Variants in MYBPC1 observed in about 807,000 individuals in gnomAD.
MYBPC1 encodes the protein myosin binding protein C1.
MYBPC1 carries 52 observed loss-of-function variants against 147.1 expected under a neutral mutation model. The observed-to-expected ratio is 0.35, with a 90% confidence interval of 0.28 to 0.45. The LOEUF (loss-of-function observed/expected upper bound fraction) is 0.45, where lower values mean the gene tolerates loss of function less well. Among genes scored for constraint, MYBPC1 ranks in the 20% least tolerant of loss-of-function variants. The pLI is 1.00. For missense variants in MYBPC1, 1,228 were observed against 1,440.3 expected, an observed-to-expected ratio of 0.85 and a Z score of 2.39; for synonymous variants, 477 against 475.9, an observed-to-expected ratio of 1.00 and a Z score of -0.03.
chr12:101,664,341 A>G (rs912899388), intron 22 of MYBPC1: 1 of 152,228 alleles, frequency 6.6e-6, no homozygotes, highest in East Asian at 1.9e-4. Flanking sequence ...AAGGGATGAC[A>G]TTTGAAAATG....
chr12:101,659,970 C>A, intron 19 of MYBPC1, 139 bp downstream of exon 19: 2 of 1,156,938 alleles, frequency 1.7e-6, no homozygotes, highest in Non-Finnish European at 2.5e-6. Context: ...GCCTAGAGGA[C>A]TTATCATTGG....
At chr12:101,664,556 C>G (rs11110945) in intron 22 of MYBPC1, 30,766 of 152,166 alleles carry the variant, frequency 0.2, 3,729 homozygotes, top group Middle Eastern at 0.34. Context: ...TGCACCTCCC[C>G]TGGAGGAAAC....
intron 1 of MYBPC1, among the ~76,000 whole-genome samples, chr12:101,596,484 T>C (rs755759139): frequency 1.2e-4 from 18 of 152,274 alleles, no homozygotes; most frequent in Non-Finnish European, 2.5e-4. Context: ...CAATACATTC[T>C]ACCATGTTTC....
rs372652224 is a variant in MYBPC1 at position 101,667,790 on chromosome 12, A to G, written c.2415A>G (p.Thr805=). ...DLIDKTKFTI[T]GLPTDAKIFV... ...TTGACAAGACGAAGTTCACCATCACAGGTCTGCCAACAGATGCAAAGATCT... is the reference window on the plus strand; with the variant it reads ...TTGACAAGACGAAGTTCACCATCACGGGTCTGCCAACAGATGCAAAGATCT... Residue 805 remains threonine, a synonymous_variant, in exon 23 of 32, where the codon ACA becomes ACG. Transcript: ENST00000361466. 6.2e-7 allele frequency: 1 copy of G among 1,614,198 alleles called. No homozygotes were observed. The highest frequency in any genetic ancestry group is 1.3e-5 in the African/African-American group (1 of 75,052).
chr12:101,678,948 C>G (rs2136843261), intron 28 of MYBPC1, among the ~76,000 whole-genome samples: 1 of 152,140 alleles, frequency 6.6e-6, no homozygotes, highest in African/African-American at 2.4e-5. Context: ...ATCACTTGGT[C>G]AGGAGTTCGA....
rs1213274537 is a variant in MYBPC1 at position 101,595,042 on chromosome 12, T to C, written c.-29T>C. On this transcript the variant is annotated 5_prime_UTR_variant, in exon 1 of 32. Transcript: ENST00000361466. Reference sequence around the variant, plus strand: ...CAACTAGTCGTGGAGGGAAGGAGACTCTTTAAAGAATAACATCTTATTGTG... The same window carrying C: ...CAACTAGTCGTGGAGGGAAGGAGACCCTTTAAAGAATAACATCTTATTGTG... 1.2e-6 allele frequency: 2 copies of C among 1,610,974 alleles called. No individual in the cohort carries two copies. Among genetic ancestry groups the C allele is most frequent in the African/African-American group, 1.3e-5 (1 of 74,830 alleles).
chr12:101,685,536 AGGT>A, intron 31 of MYBPC1, 43 bp from the exon 32 acceptor site: 2 of 1,316,832 alleles, frequency 1.5e-6, no homozygotes, highest in Non-Finnish European at 2.1e-6. Flanking sequence ...GCGATTTTTC[AGGT>A]AGATGGTTTT....
At position 101,679,379 on chromosome 12, in the gene MYBPC1, A is replaced by G. The variant is rs568197024; in HGVS notation, c.3247-964A>G. 3.3e-5 allele frequency among the ~76,000 whole-genome samples: 5 copies of G among 152,276 alleles called. No individual in the cohort carries two copies. The East Asian group carries it at 9.7e-4, about 29-fold the overall frequency. The stretch of plus-strand genomic sequence containing the variant: ...TCTACCCCTTGCCAAAGCTTTAGAA[A>G]GGTGTGAGGCTCAGTGATCGCTCCC... On this transcript the variant is annotated intron_variant, in intron 28 of 31. Transcript: ENST00000361466.
intron 9 of MYBPC1, among the ~76,000 whole-genome samples, chr12:101,636,412 CA>C (rs1358833060): frequency 1.3e-5 from 2 of 152,098 alleles, no homozygotes; most frequent in Middle Eastern, 3.2e-3. Context: ...AACACAAATC[CA>C]AGCAGTTTTA....
intron 17 of MYBPC1, 145 bp from the exon 18 acceptor site, chr12:101,652,970 G>T: frequency 1.6e-6 from 2 of 1,224,858 alleles, no homozygotes; most frequent in South Asian, 2.7e-5. Flanking sequence ...TTTGCAAGGT[G>T]CCAGGCACCA....
intron 1 of MYBPC1, among the ~76,000 whole-genome samples, chr12:101,602,276 A>C (rs1404505044): frequency 6.6e-6 from 1 of 152,150 alleles, no homozygotes; most frequent in Admixed American, 6.5e-5. Flanking sequence ...GTGCAGTGGC[A>C]TGATCTCGGC....
At chr12:101,677,924 C>T (rs112591177) in intron 27 of MYBPC1, among the ~76,000 whole-genome samples, 178 bp from the exon 28 acceptor site, 222 of 152,346 alleles carry the variant, frequency 1.5e-3, no homozygotes, top group African/African-American at 4.6e-3. Flanking sequence ...TTCTATCCCA[C>T]GTGTGATTGG....
intron 10 of MYBPC1, 75 bp downstream of exon 10, chr12:101,636,803 A>G (rs924928600): frequency 1.2e-5 from 14 of 1,205,378 alleles, no homozygotes; most frequent in African/African-American, 1.1e-4. Flanking sequence ...AGTCAAGTTT[A>G]AAGTGGATGT....
chr12:101,653,101 G>A lies in MYBPC1; in HGVS notation c.1634-14G>A, dbSNP rs964343165. ...ATGACTGTCTGATAACAAAGACTAT[G>A]CTTAATATTCTAGATCCTCCTAAGA... On this transcript the variant is annotated splice_polypyrimidine_tract_variant and intron_variant, in intron 17 of 31. Coordinates refer to ENST00000361466, the MANE Select transcript of MYBPC1 (RefSeq NM_002465.4). The A allele has an allele frequency of 1.9e-6, 3 of 1,612,710 alleles. No homozygotes were observed. In the Admixed American group the frequency reaches 5.0e-5, roughly 27 times the overall value.
chr12:101,603,166 A>G (rs10778127), intron 1 of MYBPC1, among the ~76,000 whole-genome samples: 43,080 of 151,686 alleles, frequency 0.28, 8,412 homozygotes, highest in African/African-American at 0.56. Context: ...CCAACATGGA[A>G]AAACCCCATC....
intron 30 of MYBPC1, among the ~76,000 whole-genome samples, chr12:101,683,903 A>G (rs573849321): frequency 2.0e-5 from 3 of 152,334 alleles, no homozygotes; most frequent in African/African-American, 7.2e-5. Context: ...TGCAGAATAC[A>G]ATATTATAGA....
chr12:101,632,202 A>G, intron 8 of MYBPC1, 64 bp downstream of exon 8: 1 of 1,120,094 alleles, frequency 8.9e-7, no homozygotes, highest in East Asian at 2.3e-5. Flanking sequence ...GATGGAGAAG[A>G]AGTAGTTCAT....
intron 3 of MYBPC1, 97 bp from the exon 4 acceptor site, chr12:101,626,775 T>G: frequency 2.9e-6 from 3 of 1,034,292 alleles, no homozygotes; most frequent in Admixed American, 3.4e-5. Flanking sequence ...AAGTGTATTG[T>G]GTGGTTTCTC....
intron 6 of MYBPC1, 62 bp from the exon 7 acceptor site, chr12:101,631,509 G>T: frequency 1.9e-6 from 3 of 1,587,578 alleles, no homozygotes; most frequent in Non-Finnish European, 2.6e-6. Flanking sequence ...ACTCCTTCCA[G>T]TTGAAAGCAA....
Sources: allele counts gnomAD v4.1 joint callset (sites outside exome capture counted in the v4.1 genomes callset), GRCh38; gene constraint gnomAD v4.1.1; transcripts MANE v1.5; gene names NCBI Gene and HGNC (gene_info 2026-07-23, HGNC 2026-07-21).